The following MRTFB variants were observed in gnomAD, a reference collection of about 807,000 sequenced individuals.
MRTFB encodes myocardin related transcription factor B.
In MRTFB, 29 loss-of-function variants were observed where a neutral mutation model predicts 104.2. The observed-to-expected ratio is 0.28, with a 90% CI of 0.21 to 0.38. MRTFB has a LOEUF of 0.38. Among genes scored for constraint, MRTFB ranks in the 10% least tolerant of loss-of-function variants. The pLI is 1.00. For synonymous variants in MRTFB, 535 were observed against 519.5 expected, an observed-to-expected ratio of 1.03 and a Z score of -0.41; for missense variants, 1,270 against 1,341.6, an observed-to-expected ratio of 0.95 and a Z score of 0.83.
intron 13 of MRTFB, among the ~76,000 whole-genome samples, chr16:14,251,159 G>A (rs1318243265): frequency 2.0e-5 from 3 of 151,948 alleles, no homozygotes; most frequent in South Asian, 2.1e-4. Context: ...GGTGGATCAC[G>A]AGGTCAGGAG....
At chr16:14,225,410 G>C (rs1597304231) in intron 8 of MRTFB, among the ~76,000 whole-genome samples, 1 of 151,452 alleles carries the variant, frequency 6.6e-6, no homozygotes, top group African/African-American at 2.5e-5. Context: ...TTATGTGACT[G>C]AAGTTGTTAT....
At chr16:14,036,484 C>T in the MRTFB span, among the ~76,000 whole-genome samples, 7 of 146,674 alleles carry the variant, frequency 4.8e-5, no homozygotes, top group Non-Finnish European at 8.9e-5. Flanking sequence ...ATATATATTC[C>T]ATCATATATA....
chr16:14,217,706 C>T (rs2041487984), intron 7 of MRTFB, among the ~76,000 whole-genome samples: 1 of 152,188 alleles, frequency 6.6e-6, no homozygotes, highest in Non-Finnish European at 1.5e-5. Flanking sequence ...TTCCAAATTG[C>T]TTGCTAAGTA....
the MRTFB span, among the ~76,000 whole-genome samples, chr16:14,045,939 G>T: frequency 6.6e-6 from 1 of 152,186 alleles, no homozygotes; most frequent in Non-Finnish European, 1.5e-5. Context: ...GGTCTCAGCA[G>T]AGTGTCTAGT....
At chr16:14,195,264 G>T (rs1240515812) in intron 3 of MRTFB, among the ~76,000 whole-genome samples, 1 of 152,188 alleles carries the variant, frequency 6.6e-6, no homozygotes, top group African/African-American at 2.4e-5. Flanking sequence ...ATTGGCTTTT[G>T]TGCGTGGCAA....
intron 3 of MRTFB, among the ~76,000 whole-genome samples, chr16:14,147,860 A>C (rs1283334181): frequency 6.6e-6 from 1 of 152,358 alleles, no homozygotes; most frequent in Admixed American, 6.5e-5. Flanking sequence ...CACATTTATT[A>C]ACAGTAAGAT....
Position 14,240,339 on chromosome 16 carries a change from G to T in MRTFB, c.934G>T (p.Asp312Tyr), listed in dbSNP as rs755314381. ...AAAGTACCACCAATACATTCCACCAGATCAGAAGGGTGAGAAGAATGAGCC... is the reference window on the plus strand; with the variant it reads ...AAAGTACCACCAATACATTCCACCATATCAGAAGGGTGAGAAGAATGAGCC... Reference protein sequence around the residue: ...KLKYHQYIPPDQKGEKNEPQM... With the variant: ...KLKYHQYIPPYQKGEKNEPQM... The change falls in exon 10 of 17, where the codon GAT (aspartate) becomes TAT (tyrosine). Residue 312 changes from aspartate to tyrosine, a missense_variant. Transcript: ENST00000571589. 8 of 1,614,162 alleles carry T rather than the reference G, an allele frequency of 5.0e-6. No homozygotes were observed. The highest frequency in any genetic ancestry group is 6.8e-6 in the Non-Finnish European group (8 of 1,180,034).
intron 2 of MRTFB, among the ~76,000 whole-genome samples, chr16:14,088,092 T>C (rs2034830595): frequency 6.6e-6 from 1 of 152,214 alleles, no homozygotes; most frequent in African/African-American, 2.4e-5. Flanking sequence ...ACGAAATCTT[T>C]GTAGGATCTT....
chr16:14,102,761 A>G (rs2035767138), intron 2 of MRTFB, among the ~76,000 whole-genome samples: 2 of 152,224 alleles, frequency 1.3e-5, no homozygotes, highest in African/African-American at 2.4e-5. Flanking sequence ...ATGTTAAAAC[A>G]TGGTATTATT....
At chr16:14,025,248 A>G in the MRTFB span, among the ~76,000 whole-genome samples, 28 of 152,302 alleles carry the variant, frequency 1.8e-4, no homozygotes, top group Non-Finnish European at 2.5e-4. Flanking sequence ...TGGTGCAATC[A>G]TGGCTTATTG....
intron 6 of MRTFB, chr16:14,214,885 A>G (rs1464471025): frequency 6.6e-6 from 1 of 152,154 alleles, no homozygotes; most frequent in Admixed American, 6.5e-5. Context: ...GCAGGAGGTG[A>G]GAGGTATGTC....
the MRTFB span, among the ~76,000 whole-genome samples, chr16:14,014,574 C>T: frequency 1.3e-5 from 2 of 151,888 alleles, no homozygotes; most frequent in East Asian, 3.9e-4. Flanking sequence ...AAAAAAAAAG[C>T]CAGGCGCAGT....
At chr16:14,102,156 T>TA (rs1031744137) in intron 2 of MRTFB, among the ~76,000 whole-genome samples, 1,476 of 146,020 alleles carry the variant, frequency 0.01, 17 homozygotes, top group Non-Finnish European at 0.016. Context: ...TGAGTCTTTT[T>TA]AAAAAAAAAA....
At chr16:14,217,350 C>A in intron 7 of MRTFB, 63 bp downstream of exon 7, 1 of 1,436,266 alleles carries the variant, frequency 7.0e-7, no homozygotes, top group Non-Finnish European at 9.5e-7. Context: ...TTAGATAAAA[C>A]AAATATAATT....
At chr16:14,168,746 C>T (rs113093832) in intron 3 of MRTFB, among the ~76,000 whole-genome samples, 3,694 of 152,222 alleles carry the variant, frequency 0.024, 67 homozygotes, top group Middle Eastern at 0.085. Flanking sequence ...AGAGGAGTTG[C>T]TGGGTGAATA....
chr16:14,159,628 T>A (rs1261610737), intron 3 of MRTFB, among the ~76,000 whole-genome samples: 3 of 152,182 alleles, frequency 2.0e-5, no homozygotes, highest in African/African-American at 7.2e-5. Context: ...AGCAATTTAT[T>A]AACTTTATTT....
intron 12 of MRTFB, chr16:14,247,726 C>G (rs769208424): frequency 1.8e-6 from 1 of 564,580 alleles, no homozygotes; most frequent in Non-Finnish European, 3.1e-6. Flanking sequence ...GTCCTGTTAC[C>G]TTTTCCCTTG....
In MRTFB at chr16:14,234,199, A is replaced by T. The variant is rs759251080; in HGVS notation, c.747A>T (p.Ala249=). The T allele has an allele frequency of 2.8e-5, 45 of 1,614,042 alleles. No individual in the cohort carries two copies. Among genetic ancestry groups the T allele is most frequent in the Non-Finnish European group, 3.1e-5 (37 of 1,180,040 alleles). The part of the protein sequence containing the change: ...VPEFLKTPPT[A]DQPPPRPAAP... The stretch of plus-strand genomic sequence containing the variant: ...AATTCTTGAAAACTCCTCCAACTGC[A>T]GATCAGCCTCCCCCACGGCCTGCAG... Residue 249 remains alanine, a synonymous_variant, in exon 9 of 17, where the codon GCA becomes GCT. Transcript: ENST00000571589.
intron 13 of MRTFB, among the ~76,000 whole-genome samples, chr16:14,249,871 G>C (rs1438052780): frequency 6.6e-6 from 1 of 152,214 alleles, no homozygotes; most frequent in African/African-American, 2.4e-5. Context: ...ATCTGCCTCA[G>C]GATAGTGTGA....
Sources: allele counts gnomAD v4.1 joint callset (sites outside exome capture counted in the v4.1 genomes callset), GRCh38; gene constraint gnomAD v4.1.1; transcripts MANE v1.5; gene names NCBI Gene and HGNC (gene_info 2026-07-23, HGNC 2026-07-21).